VPS41: variants seen among roughly 807,000 people sequenced by gnomAD.
The protein encoded by VPS41 is vacuolar protein sorting-associated protein 41 homolog.
VPS41 carries 85 observed loss-of-function variants against 130.9 expected under a neutral mutation model. That is an observed-to-expected ratio of 0.65 (90% CI 0.55 to 0.78). VPS41 has a LOEUF of 0.78. VPS41 is among the 30% of genes least tolerant of loss of function. The pLI is 0.00. For missense variants in VPS41, 874 were observed against 1,018.7 expected, an observed-to-expected ratio of 0.86 and a Z score of 1.93; for synonymous variants, 335 against 332.9, an observed-to-expected ratio of 1.01 and a Z score of -0.07.
chr7:38,873,271 G>A (rs17768753), intron 2 of VPS41, among the ~76,000 whole-genome samples: 45,786 of 151,580 alleles, frequency 0.3, 8,560 homozygotes, highest in African/African-American at 0.51. Context: ...TAGGGTAAAG[G>A]TGAATTTTTT....
intron 3 of VPS41, among the ~76,000 whole-genome samples, chr7:38,866,786 G>A (rs1786239104): frequency 6.6e-6 from 1 of 152,172 alleles, no homozygotes; most frequent in Non-Finnish European, 1.5e-5. Context: ...AGGAAAAGTG[G>A]AGGCAAACAA....
intron 1 of VPS41, among the ~76,000 whole-genome samples, chr7:38,899,980 G>A (rs1005022407): frequency 1.3e-5 from 2 of 152,188 alleles, no homozygotes; most frequent in Non-Finnish European, 2.9e-5. Context: ...GGGCACAGTG[G>A]CTCACGCCCG....
intron 25 of VPS41, among the ~76,000 whole-genome samples, chr7:38,732,674 A>G (rs1161203462): frequency 6.6e-6 from 1 of 152,126 alleles, no homozygotes; most frequent in African/African-American, 2.4e-5. Flanking sequence ...TGTGTTTTTA[A>G]AAAAAAGATA....
chr7:38,880,668 G>T (rs955664032), intron 2 of VPS41, among the ~76,000 whole-genome samples: 2 of 152,188 alleles, frequency 1.3e-5, no homozygotes, highest in Non-Finnish European at 2.9e-5. Context: ...GTAAAGAACT[G>T]TGATGACATG....
At chr7:38,795,330 A>T (rs1784598593) in intron 9 of VPS41, 135 bp downstream of exon 9, 1 of 592,704 alleles carries the variant, frequency 1.7e-6, no homozygotes, top group Admixed American at 3.4e-5. Flanking sequence ...TTGAGCATTA[A>T]ATGGTAATCA....
intron 21 of VPS41, 148 bp from the exon 22 acceptor site, chr7:38,752,461 G>T: frequency 1.0e-6 from 1 of 970,160 alleles, no homozygotes. Context: ...ATGGAGAAGT[G>T]GAAAGGAAAA....
At chr7:38,859,465 A>T (rs1786055169) in intron 4 of VPS41, among the ~76,000 whole-genome samples, 1 of 152,058 alleles carries the variant, frequency 6.6e-6, no homozygotes, top group Non-Finnish European at 1.5e-5. Flanking sequence ...TCCTGTACAG[A>T]TGTATCATTT....
chr7:38,745,619 A>G lies in VPS41; in HGVS notation c.1927-6T>C. ...TGTTGACAGATCTCAAGAGCCTTCA[A>G]TTAAAGCAGGGTAAAAATGTTACTA... On this transcript the variant is annotated splice_polypyrimidine_tract_variant and splice_region_variant and intron_variant, in intron 22 of 28. Coordinates refer to ENST00000310301, the MANE Select transcript of VPS41 (RefSeq NM_014396.4). 1 of 1,600,450 alleles carries G rather than the reference A, an allele frequency of 6.2e-7. No individual in the cohort carries two copies. Among genetic ancestry groups the G allele is most frequent in the Non-Finnish European group, 8.5e-7 (1 of 1,175,884 alleles).
intron 2 of VPS41, among the ~76,000 whole-genome samples, chr7:38,871,219 A>G (rs986041216): frequency 6.6e-6 from 1 of 152,254 alleles, no homozygotes. Flanking sequence ...CATAGTAAAA[A>G]GAAAATTAGG....
chr7:38,823,791 T>C (rs1785219523), intron 5 of VPS41, among the ~76,000 whole-genome samples: 1 of 152,236 alleles, frequency 6.6e-6, no homozygotes, highest in Admixed American at 6.5e-5. Flanking sequence ...TTCCTGAGGC[T>C]GGCCTTGAAA....
chr7:38,874,203 A>G (rs1021962867), intron 2 of VPS41, among the ~76,000 whole-genome samples: 1 of 152,130 alleles, frequency 6.6e-6, no homozygotes, highest in African/African-American at 2.4e-5. Context: ...TGAAGACTTG[A>G]ATTTTACTTT....
rs750620577 is a variant in VPS41 at position 38,862,551 on chromosome 7, A to C, written c.240T>G (p.Phe80Leu). Residue 80 changes from phenylalanine (F) to leucine (L), a missense_variant, in exon 4 of 29, where the codon TTT becomes TTG. Transcript: ENST00000310301. ...LDVQGNITQK[F>L]DVSPVKINQI... ...TTTTATACAGAATACTTACTACATC[A>C]AACTTCTGAGTGATGTTCCCCTGGA... 8 of 1,599,072 alleles carry C rather than the reference A, an allele frequency of 5.0e-6. No homozygotes were observed. In the South Asian group the frequency reaches 8.9e-5, roughly 18 times the overall value.
intron 2 of VPS41, among the ~76,000 whole-genome samples, chr7:38,892,991 T>G (rs1403843703): frequency 6.6e-6 from 1 of 152,162 alleles, no homozygotes; most frequent in Non-Finnish European, 1.5e-5. Context: ...CTATCTCTTA[T>G]GGGGACTTCC....
intron 2 of VPS41, among the ~76,000 whole-genome samples, chr7:38,884,387 A>G (rs544949262): frequency 1.3e-5 from 2 of 152,360 alleles, no homozygotes; most frequent in East Asian, 3.9e-4. Context: ...AAATTTACAC[A>G]TCTAACATAT....
At chr7:38,789,695 C>T in intron 10 of VPS41, 106 bp downstream of exon 10, 4 of 1,072,928 alleles carry the variant, frequency 3.7e-6, no homozygotes, top group Non-Finnish European at 5.7e-6. Flanking sequence ...TAGGAGGCTG[C>T]TGCAGGGATC....
chr7:38,797,564 C>T (rs1259020854), intron 7 of VPS41, among the ~76,000 whole-genome samples: 1 of 152,176 alleles, frequency 6.6e-6, no homozygotes, highest in Non-Finnish European at 1.5e-5. Context: ...TTTTTCTTGA[C>T]ATATTCCATT....
intron 2 of VPS41, among the ~76,000 whole-genome samples, chr7:38,887,361 T>G (rs188210469): frequency 6.6e-6 from 1 of 152,100 alleles, no homozygotes; most frequent in Non-Finnish European, 1.5e-5. Flanking sequence ...AAAACCACAA[T>G]ATGAGAACTT....
intron 4 of VPS41, among the ~76,000 whole-genome samples, chr7:38,852,142 G>A (rs888426551): frequency 6.6e-6 from 1 of 152,092 alleles, no homozygotes; most frequent in African/African-American, 2.4e-5. Context: ...ATGCCCAGAT[G>A]AACCAAGCAT....
At chr7:38,817,185 A>C (rs1460855816) in intron 7 of VPS41, among the ~76,000 whole-genome samples, 18 of 152,232 alleles carry the variant, frequency 1.2e-4, no homozygotes, top group Admixed American at 1.2e-3. Context: ...GGAAAAAAAA[A>C]ATCAGTAGTT....
Sources: gnomAD v4.1 joint callset for allele counts (sites outside exome capture counted in the v4.1 genomes callset) on GRCh38, gnomAD v4.1.1 for gene constraint, MANE v1.5 for transcripts, NCBI Gene and HGNC (gene_info 2026-07-23, HGNC 2026-07-21) for gene names.